Variants in ACAD11 observed in about 807,000 individuals in gnomAD.
The protein encoded by ACAD11 is acyl-CoA dehydrogenase family member 11, also known as acyl-Coenzyme A dehydrogenase family, member 11.
Under a neutral mutation model 102.2 loss-of-function variants are expected in ACAD11, and 83 were observed. The observed-to-expected ratio is 0.81, with a 90% CI of 0.68 to 0.97. The LOEUF is 0.97. Ranked by LOEUF, ACAD11 falls within the 50% of genes least tolerant of loss-of-function variation. ACAD11 has a pLI of 0.00. For missense variants in ACAD11, 901 were observed against 951.7 expected (o/e 0.95, Z 0.70); for synonymous variants, 324 against 319.8 (o/e 1.01, Z -0.14).
chr3:132,606,753 A>C (rs1938856328), intron 11 of ACAD11, among the ~76,000 whole-genome samples: 1 of 152,206 alleles, frequency 6.6e-6, no homozygotes, highest in Non-Finnish European at 1.5e-5. Flanking sequence ...GGAGCAGCGG[A>C]TCTCCCAGCA....
chr3:132,584,866 C>T (rs1035312394), intron 13 of ACAD11, among the ~76,000 whole-genome samples: 2 of 152,156 alleles, frequency 1.3e-5, no homozygotes, highest in Non-Finnish European at 2.9e-5. Flanking sequence ...AATGGAAGAA[C>T]ATTCTATGCT....
chr3:132,584,574 T>A (rs1316850994), intron 13 of ACAD11, among the ~76,000 whole-genome samples: 2 of 152,158 alleles, frequency 1.3e-5, no homozygotes, highest in African/African-American at 4.8e-5. Context: ...AGGTTAATAT[T>A]TTTATGTGTG....
intron 1 of ACAD11, among the ~76,000 whole-genome samples, chr3:132,651,981 T>C (rs1373979040): frequency 2.0e-5 from 3 of 152,116 alleles, no homozygotes; most frequent in Non-Finnish European, 4.4e-5. Context: ...GAAATAAGAC[T>C]TTGGGGGACT....
At chr3:132,629,349 G>A (rs62291517) in intron 7 of ACAD11, among the ~76,000 whole-genome samples, 4 of 152,028 alleles carry the variant, frequency 2.6e-5, no homozygotes, top group East Asian at 1.9e-4. Flanking sequence ...TAGTAGATAC[G>A]GGGTTTCACC....
At position 132,563,491 on chromosome 3, in the gene ACAD11, T is replaced by C. The variant is rs536077389; in HGVS notation, c.2002-2274A>G. Among the ~76,000 whole-genome samples the C allele has an allele frequency of 7.2e-5, 11 of 152,316 alleles. No homozygotes were observed. In the South Asian group the frequency reaches 2.3e-3, roughly 32 times the overall value. Reference sequence around the variant, plus strand: ...TCACTTTTTTCTACTTTTTAGTGCATGTGGATATTGTACGTGTTTTGGTAG... The same window carrying C: ...TCACTTTTTTCTACTTTTTAGTGCACGTGGATATTGTACGTGTTTTGGTAG... On this transcript the variant is annotated intron_variant, in intron 17 of 19. Coordinates refer to ENST00000264990, the MANE Select transcript of ACAD11 (RefSeq NM_032169.5).
At chr3:132,624,107 T>C (rs916085199) in intron 9 of ACAD11, among the ~76,000 whole-genome samples, 2 of 148,044 alleles carry the variant, frequency 1.4e-5, no homozygotes, top group Non-Finnish European at 3.0e-5. Flanking sequence ...TTGAAGCCAG[T>C]AGTTCTGGGC....
At chr3:132,561,940 C>T (rs922489521) in intron 17 of ACAD11, among the ~76,000 whole-genome samples, 11 of 152,184 alleles carry the variant, frequency 7.2e-5, no homozygotes, top group South Asian at 4.1e-4. Context: ...TGTTTTGAGA[C>T]CAACTTCTTT....
chr3:132,600,063 T>C (rs1938500463), intron 13 of ACAD11, among the ~76,000 whole-genome samples: 1 of 152,238 alleles, frequency 6.6e-6, no homozygotes, highest in South Asian at 2.1e-4. Context: ...AATTTTCATA[T>C]TTTAAAAATC....
At chr3:132,576,288 C>A (rs1033269641) in intron 16 of ACAD11, among the ~76,000 whole-genome samples, 1 of 152,070 alleles carries the variant, frequency 6.6e-6, no homozygotes, top group African/African-American at 2.4e-5. Flanking sequence ...GAAACAAAGG[C>A]AAAGGAAGAA....
chr3:132,636,034 T>G (rs776232112), intron 5 of ACAD11, among the ~76,000 whole-genome samples: 16 of 152,178 alleles, frequency 1.1e-4, no homozygotes, highest in Non-Finnish European at 2.1e-4. Flanking sequence ...TCTTTTTTAA[T>G]ACAATTGGGA....
At chr3:132,576,198 T>C (rs1292829908) in intron 16 of ACAD11, among the ~76,000 whole-genome samples, 2 of 152,198 alleles carry the variant, frequency 1.3e-5, no homozygotes, top group African/African-American at 2.4e-5. Context: ...CTGCAATAGA[T>C]ACAAAGTTGG....
intron 17 of ACAD11, among the ~76,000 whole-genome samples, chr3:132,568,385 G>A (rs1267092028): frequency 6.6e-6 from 1 of 152,164 alleles, no homozygotes; most frequent in Non-Finnish European, 1.5e-5. Context: ...TGTAGATGAT[G>A]AAAGAAACCA....
intron 3 of ACAD11, 132 bp from the exon 4 acceptor site, chr3:132,642,265 T>C: frequency 1.2e-6 from 1 of 837,300 alleles, no homozygotes; most frequent in Non-Finnish European, 1.8e-6. Flanking sequence ...TAAAAGGATA[T>C]GCCAAGATGA....
rs570876122 is a variant in ACAD11 at position 132,595,237 on chromosome 3, A to C, written c.1621+7992T>G. ...ACTAAGACAGAGCACATTCCAGCAG[A>C]CAGAAGAGCCAGCACAAAAGCCCTG... On this transcript the variant is annotated intron_variant, in intron 13 of 19. Coordinates refer to ENST00000264990, the MANE Select transcript of ACAD11 (RefSeq NM_032169.5). 1.5e-3 allele frequency among the ~76,000 whole-genome samples: 223 copies of C among 152,316 alleles called. 1 individual carries two copies. Among genetic ancestry groups the C allele is most frequent in the East Asian group, 5.8e-4 (3 of 5,184 alleles).
At chr3:132,600,316 C>G in intron 13 of ACAD11, 1 of 1,295,490 alleles carries the variant, frequency 7.7e-7, no homozygotes, top group Non-Finnish European at 1.0e-6. Context: ...AAGAACAAAA[C>G]AGCTTGATAA....
At chr3:132,589,341 T>A (rs1937978933) in intron 13 of ACAD11, among the ~76,000 whole-genome samples, 1 of 152,218 alleles carries the variant, frequency 6.6e-6, no homozygotes, top group South Asian at 2.1e-4. Flanking sequence ...TTACCTTTCA[T>A]TGTGGATCTT....
At chr3:132,649,877 C>A (rs1423640089) in intron 1 of ACAD11, 1 of 152,200 alleles carries the variant, frequency 6.6e-6, no homozygotes, top group Non-Finnish European at 1.5e-5. Context: ...CACGGGCATT[C>A]CTCCTAAACC....
chr3:132,658,790 C>T lies in ACAD11; in HGVS notation c.149+813G>A, dbSNP rs147355833. 7.0e-4 allele frequency among the ~76,000 whole-genome samples: 106 copies of T among 152,240 alleles called. 1 individual carries two copies. Among genetic ancestry groups the T allele is most frequent in the African/African-American group, 2.0e-3 (83 of 41,538 alleles). On this transcript the variant is annotated intron_variant, in intron 1 of 19. Coordinates refer to ENST00000264990, the MANE Select transcript of ACAD11 (RefSeq NM_032169.5). ...TGCTAGTGATAAAATACCACTAGCA[C>T]ACTATGTTGTTGCAATTTTTACGCC...
At position 132,593,449 on chromosome 3, in the gene ACAD11, A is replaced by G. The variant is rs182476542; in HGVS notation, c.1621+9780T>C. Among the ~76,000 whole-genome samples the G allele has an allele frequency of 2.0e-5, 3 of 152,342 alleles. No individual in the cohort carries two copies. The East Asian group carries it at 5.8e-4, about 29-fold the overall frequency. On this transcript the variant is annotated intron_variant, in intron 13 of 19. Transcript: ENST00000264990. The stretch of plus-strand genomic sequence containing the variant: ...ATTCAAAAGCAGTTTATTATCCAGT[A>G]TTCCACACATGCCTGGCAAGGGTAG...
Sources: allele counts gnomAD v4.1 joint callset (sites outside exome capture counted in the v4.1 genomes callset), GRCh38; gene constraint gnomAD v4.1.1; transcripts MANE v1.5; gene names NCBI Gene and HGNC (gene_info 2026-07-23, HGNC 2026-07-21).